PDZRN3: variants seen among roughly 807,000 people sequenced by gnomAD.
PDZRN3 encodes the protein E3 ubiquitin-protein ligase PDZRN3.
In PDZRN3, 38 loss-of-function variants were observed where a neutral mutation model predicts 85.7. The ratio of observed to expected loss-of-function variants is 0.44; its 90% confidence interval spans 0.34 to 0.58. PDZRN3 has a LOEUF of 0.58. Ranked by LOEUF, PDZRN3 falls within the 20% of genes least tolerant of loss-of-function variation. PDZRN3 has a pLI of 0.01. For synonymous variants in PDZRN3, 759 were observed against 638.0 expected, an observed-to-expected ratio of 1.19 and a Z score of -2.86; for missense variants, 1,629 against 1,506.4, an observed-to-expected ratio of 1.08 and a Z score of -1.35.
rs190488368 is a variant in PDZRN3, at chr3:73,410,210, G to T, written c.919-5815C>A. On this transcript the variant is annotated intron_variant, in intron 3 of 9. Coordinates refer to ENST00000263666, the MANE Select transcript of PDZRN3 (RefSeq NM_015009.3). Reference sequence around the variant, plus strand: ...AAAAAAAAGTCTTTTTTTCATTTAGGCAACTCCTGTCTGTCTTAATTTATT... The same window carrying T: ...AAAAAAAAGTCTTTTTTTCATTTAGTCAACTCCTGTCTGTCTTAATTTATT... Among the ~76,000 whole-genome samples, 194 of 152,232 alleles carry T rather than the reference G, an allele frequency of 1.3e-3. 3 individuals are homozygous for T. Among genetic ancestry groups the T allele is most frequent in the Admixed American group, 0.011 (175 of 15,290 alleles).
intron 3 of PDZRN3, among the ~76,000 whole-genome samples, chr3:73,569,773 GA>G (rs1305992600): frequency 2.6e-5 from 4 of 152,216 alleles, no homozygotes; most frequent in Non-Finnish European, 5.9e-5. Flanking sequence ...GTGGTGAAGA[GA>G]AGGAACTCTC....
chr3:73,577,711 C>G (rs528339304), intron 3 of PDZRN3, among the ~76,000 whole-genome samples: 85 of 152,248 alleles, frequency 5.6e-4, no homozygotes, highest in African/African-American at 2.0e-3. Flanking sequence ...GCCCTCTTCA[C>G]AGACTGCCTT....
chr3:73,413,769 G>A (rs28612670), intron 3 of PDZRN3, among the ~76,000 whole-genome samples: 4,339 of 152,208 alleles, frequency 0.029, 225 homozygotes, highest in African/African-American at 0.098. Context: ...GGTGGGGCCC[G>A]GAGGTGGAAG....
intron 3 of PDZRN3, among the ~76,000 whole-genome samples, chr3:73,446,896 G>A (rs930040080): frequency 2.0e-5 from 3 of 151,804 alleles, no homozygotes; most frequent in Non-Finnish European, 2.9e-5. Context: ...ACAGTGCTGG[G>A]TGAGCTGGCT....
chr3:73,574,464 G>GGT (rs1702091130), intron 3 of PDZRN3, among the ~76,000 whole-genome samples: 1 of 93,720 alleles, frequency 1.1e-5, no homozygotes, highest in Non-Finnish European at 2.1e-5. Context: ...GGGTGGGGGG[G>GGT]GTGGGGAGGG....
chr3:73,542,331 C>T (rs35657875), intron 3 of PDZRN3, among the ~76,000 whole-genome samples: 46,550 of 152,080 alleles, frequency 0.31, 7,902 homozygotes, highest in Middle Eastern at 0.41. Flanking sequence ...CCATGAGCAA[C>T]GGCCCCACAA....
Position 73,416,759 on chromosome 3 carries a change from C to T in PDZRN3, c.919-12364G>A, listed in dbSNP as rs181156438. ...GTGGGGGAAGCTCTACCCACTTGCTCTTAAAACTCTGTTCTTCACATGAAC... is the reference window on the plus strand; with the variant it reads ...GTGGGGGAAGCTCTACCCACTTGCTTTTAAAACTCTGTTCTTCACATGAAC... On this transcript the variant is annotated intron_variant, in intron 3 of 9. Coordinates refer to ENST00000263666, the MANE Select transcript of PDZRN3 (RefSeq NM_015009.3). Among the ~76,000 whole-genome samples, 191 of 151,834 alleles carry T rather than the reference C, an allele frequency of 1.3e-3. 2 individuals carry two copies. Among genetic ancestry groups the T allele is most frequent in the African/African-American group, 4.4e-3 (182 of 41,436 alleles).
chr3:73,566,681 T>C (rs1401796302), intron 3 of PDZRN3, among the ~76,000 whole-genome samples: 1 of 152,162 alleles, frequency 6.6e-6, no homozygotes, highest in Non-Finnish European at 1.5e-5. Context: ...TCATGGTAAT[T>C]TATGGCCCAT....
chr3:73,404,861 T>G (rs1575627078), intron 3 of PDZRN3, among the ~76,000 whole-genome samples: 1 of 152,334 alleles, frequency 6.6e-6, no homozygotes, highest in Non-Finnish European at 1.5e-5. Context: ...TTTCGCTCTT[T>G]AAAAAGTCCA....
intron 1 of PDZRN3, among the ~76,000 whole-genome samples, chr3:73,609,653 T>C (rs1575762421): frequency 6.6e-6 from 1 of 152,346 alleles, no homozygotes; most frequent in Middle Eastern, 3.4e-3. Context: ...TCAAATGTGG[T>C]ATTTCTTTTA....
chr3:73,492,073 G>C (rs998672108), intron 3 of PDZRN3, among the ~76,000 whole-genome samples: 2 of 152,160 alleles, frequency 1.3e-5, no homozygotes, highest in Non-Finnish European at 2.9e-5. Flanking sequence ...AAAAGATTCT[G>C]AAAACTAGCA....
chr3:73,473,104 A>C (rs1465464368), intron 3 of PDZRN3, among the ~76,000 whole-genome samples: 2 of 152,240 alleles, frequency 1.3e-5, no homozygotes, highest in Non-Finnish European at 2.9e-5. Context: ...GGAGTGTAAC[A>C]GATAGAGATG....
chr3:73,464,805 C>T (rs1029616618), intron 3 of PDZRN3, among the ~76,000 whole-genome samples: 1 of 151,790 alleles, frequency 6.6e-6, no homozygotes, highest in East Asian at 1.9e-4. Context: ...ACATATACAT[C>T]GTGGGATGGC....
At chr3:73,545,807 G>A (rs1013912334) in intron 3 of PDZRN3, among the ~76,000 whole-genome samples, 2 of 152,124 alleles carry the variant, frequency 1.3e-5, no homozygotes, top group African/African-American at 4.8e-5. Context: ...TTTTGCTGAG[G>A]GCCATGGCAG....
intron 3 of PDZRN3, among the ~76,000 whole-genome samples, chr3:73,454,706 T>C (rs1207817533): frequency 1.3e-5 from 2 of 152,164 alleles, no homozygotes; most frequent in Non-Finnish European, 2.9e-5. Flanking sequence ...TATGGAAAGA[T>C]GGCCAGAATA....
rs145147692 is a variant in PDZRN3 at position 73,564,489 on chromosome 3, A to G, written c.918+37865T>C. The stretch of plus-strand genomic sequence containing the variant: ...AGCCAACTTCTCCTTTCAAAGCTCA[A>G]CTCCGTTCCTTGAGGTTTCTTCTCC... On this transcript the variant is annotated intron_variant, in intron 3 of 9. Transcript: ENST00000263666. Among the ~76,000 whole-genome samples, 212 of 151,522 alleles carry G rather than the reference A, an allele frequency of 1.4e-3. 2 individuals carry two copies. Among genetic ancestry groups the G allele is most frequent in the African/African-American group, 5.0e-3 (205 of 41,282 alleles).
At chr3:73,482,732 C>A (rs1028818663) in intron 3 of PDZRN3, among the ~76,000 whole-genome samples, 1 of 152,136 alleles carries the variant, frequency 6.6e-6, no homozygotes, top group Non-Finnish European at 1.5e-5. Context: ...CCCCCAGCAA[C>A]AAAAGTAAAG....
At chr3:73,396,040 A>C (rs991596798) in intron 5 of PDZRN3, among the ~76,000 whole-genome samples, 1 of 152,016 alleles carries the variant, frequency 6.6e-6, no homozygotes, top group African/African-American at 2.4e-5. Context: ...CTGGCCGACA[A>C]GGCGAAACCC....
At chr3:73,436,163 C>T (rs547826734) in intron 3 of PDZRN3, among the ~76,000 whole-genome samples, 8 of 152,364 alleles carry the variant, frequency 5.3e-5, no homozygotes, top group Admixed American at 3.9e-4. Flanking sequence ...TGTCGTATCA[C>T]CCCGTTCATT....
Sources: allele counts gnomAD v4.1 joint callset (sites outside exome capture counted in the v4.1 genomes callset), GRCh38; gene constraint gnomAD v4.1.1; transcripts MANE v1.5; gene names NCBI Gene and HGNC (gene_info 2026-07-23, HGNC 2026-07-21).